Variants in MACROD2 observed in about 807,000 individuals in gnomAD.
The protein encoded by MACROD2 is ADP-ribose glycohydrolase MACROD2.
In MACROD2, 36 loss-of-function variants were observed where a neutral mutation model predicts 70.4. The observed-to-expected ratio is 0.51, with a 90% CI of 0.39 to 0.68. MACROD2 has a LOEUF of 0.68. MACROD2 is among the 30% of genes least tolerant of loss of function. The pLI is 0.00. For synonymous variants in MACROD2, 172 were observed against 178.8 expected (o/e 0.96, Z 0.30); for missense variants, 496 against 538.4 (o/e 0.92, Z 0.78).
At chr20:15,817,194 C>T (rs755902044) in intron 8 of MACROD2, among the ~76,000 whole-genome samples, 1 of 152,194 alleles carries the variant, frequency 6.6e-6, no homozygotes, top group Non-Finnish European at 1.5e-5. Flanking sequence ...ACTCAGTTTT[C>T]TCTTAAATCA....
chr20:15,831,946 A>G (rs1382042411), intron 8 of MACROD2, among the ~76,000 whole-genome samples: 5 of 152,186 alleles, frequency 3.3e-5, no homozygotes, highest in East Asian at 3.9e-4. Context: ...CTCACAGAAA[A>G]TGTTATCTAA....
chr20:15,579,139 T>A (rs951876839), intron 8 of MACROD2, among the ~76,000 whole-genome samples: 1 of 152,166 alleles, frequency 6.6e-6, no homozygotes, highest in East Asian at 1.9e-4. Flanking sequence ...TGGTTTTCTC[T>A]CGGGAGAAAA....
chr20:15,801,213 AAAAC>A lies in MACROD2; in HGVS notation c.646-61520_646-61517del, dbSNP rs533446179. ...AAAAAAAAAAAAAAAAACGAAAAAC[AAAAC>A]AAACAAACAAAAACTGGACAGTGGA... On this transcript the variant is annotated intron_variant, in intron 8 of 17. Coordinates refer to ENST00000684519, the MANE Select transcript of MACROD2 (RefSeq NM_001351661.2). 2.4e-3 allele frequency among the ~76,000 whole-genome samples: 360 copies of A among 151,280 alleles called. 2 individuals are homozygous for A. The highest frequency in any genetic ancestry group is 8.3e-3 in the African/African-American group (340 of 41,050).
At chr20:14,872,964 G>C (rs1008811494) in intron 5 of MACROD2, among the ~76,000 whole-genome samples, 4 of 152,042 alleles carry the variant, frequency 2.6e-5, no homozygotes, top group Non-Finnish European at 5.9e-5. Context: ...CAGATCTCCT[G>C]AGAACTCACT....
intron 1 of MACROD2, among the ~76,000 whole-genome samples, chr20:13,998,185 T>A (rs117092746): frequency 1.3e-5 from 2 of 152,232 alleles, no homozygotes; most frequent in Non-Finnish European, 2.9e-5. Context: ...GCATATATAT[T>A]TGTGGCCTCC....
chr20:15,793,809 T>G (rs1270807436), intron 8 of MACROD2, among the ~76,000 whole-genome samples: 1 of 147,720 alleles, frequency 6.8e-6, no homozygotes, highest in African/African-American at 2.5e-5. Flanking sequence ...TTATATTATA[T>G]ATAATATATA....
At chr20:14,847,048 A>G (rs1315599461) in intron 5 of MACROD2, among the ~76,000 whole-genome samples, 1 of 152,102 alleles carries the variant, frequency 6.6e-6, no homozygotes. Flanking sequence ...TTCACCATGA[A>G]TATCACTGAA....
chr20:15,937,521 C>T lies in MACROD2; in HGVS notation c.884C>T (p.Ala295Val), dbSNP rs765056877. ...GTGCCCGGCCCTGCTTCAGAAGAGGCAGTTGAAGACTGTAAAGATGAAGGT... is the reference window on the plus strand; with the variant it reads ...GTGCCCGGCCCTGCTTCAGAAGAGGTAGTTGAAGACTGTAAAGATGAAGGT... ...VTVPGPASEE[A>V]VEDCKDEDFA... is the part of the protein sequence containing the mutation. The change falls in exon 12 of 18, where the codon GCA becomes GTA. Residue 295 changes from alanine to valine, a missense_variant. Coordinates refer to ENST00000684519, the MANE Select transcript of MACROD2 (RefSeq NM_001351661.2). The T allele has an allele frequency of 6.2e-7, 1 of 1,613,226 alleles. No individual in the cohort carries two copies. The highest frequency in any genetic ancestry group is 8.5e-7 in the Non-Finnish European group (1 of 1,179,424).
chr20:15,685,394 CCTT>C (rs1438333632), intron 8 of MACROD2, among the ~76,000 whole-genome samples: 2 of 152,140 alleles, frequency 1.3e-5, no homozygotes, highest in African/African-American at 4.8e-5. Flanking sequence ...ATAGCTGTAA[CCTT>C]CTCTGCTAAA....
chr20:15,256,853 T>A (rs988971106), intron 6 of MACROD2, among the ~76,000 whole-genome samples: 2 of 152,040 alleles, frequency 1.3e-5, no homozygotes, highest in Non-Finnish European at 2.9e-5. Flanking sequence ...GGGCTGTTTT[T>A]CTTTTTCTTT....
intron 8 of MACROD2, among the ~76,000 whole-genome samples, chr20:15,697,546 G>A (rs561635204): frequency 6.6e-6 from 1 of 152,118 alleles, no homozygotes; most frequent in Non-Finnish European, 1.5e-5. Context: ...TGGATGAAAT[G>A]TTCTGTATAT....
Position 15,977,674 on chromosome 20 carries a change from T to C in MACROD2, c.986-9053T>C, listed in dbSNP as rs146084913. On this transcript the variant is annotated intron_variant, in intron 13 of 17. Transcript: ENST00000684519. ...TATGAATAAAACAAAATTTCTCTCT[T>C]AATCTGGTAAGAGAGACAAAGACAG... Among the ~76,000 whole-genome samples, 84 of 152,306 alleles carry C rather than the reference T, an allele frequency of 5.5e-4. No individual in the cohort carries two copies. The East Asian group carries it at 0.011, about 20-fold the overall frequency.
rs2077433687 is a variant in MACROD2, at chr20:15,280,427, AT to A, written c.540+50372del. The stretch of plus-strand genomic sequence containing the variant: ...AGTTAAGCATTTGGAATTATGCATG[AT>A]TTTTTATTTATTTCCCTTTTTCTGT... On this transcript the variant is annotated intron_variant, in intron 6 of 17. Coordinates refer to ENST00000684519, the MANE Select transcript of MACROD2 (RefSeq NM_001351661.2). 2.0e-5 allele frequency among the ~76,000 whole-genome samples: 3 copies of A among 152,262 alleles called. No homozygotes were observed. In the South Asian group the frequency reaches 6.2e-4, roughly 32 times the overall value.
intron 5 of MACROD2, among the ~76,000 whole-genome samples, chr20:14,756,585 C>T (rs2071943191): frequency 6.6e-6 from 1 of 152,052 alleles, no homozygotes; most frequent in Admixed American, 6.5e-5. Context: ...GCTTGTCAAG[C>T]CCCTTCATGG....
chr20:15,671,719 AC>A (rs1468001611), intron 8 of MACROD2, among the ~76,000 whole-genome samples: 2 of 152,184 alleles, frequency 1.3e-5, no homozygotes, highest in Non-Finnish European at 2.9e-5. Flanking sequence ...TGAACACAAC[AC>A]CTTGTGGATC....
chr20:14,918,335 G>C (rs1164290822), intron 5 of MACROD2, among the ~76,000 whole-genome samples: 1 of 152,158 alleles, frequency 6.6e-6, no homozygotes, highest in Non-Finnish European at 1.5e-5. Context: ...AGGGACCAGA[G>C]AAGAGGCAGA....
At position 16,023,852 on chromosome 20, in the gene MACROD2, G is replaced by A. The variant is rs974244826; in HGVS notation, c.1154-17349G>A. On this transcript the variant is annotated intron_variant, in intron 15 of 17. Coordinates refer to ENST00000684519, the MANE Select transcript of MACROD2 (RefSeq NM_001351661.2). The stretch of plus-strand genomic sequence containing the variant: ...ACTTTTAGTGAAGAGCAGTCAGTAA[G>A]CAAATGATTCCCAAATTCTATGCGC... Among the ~76,000 whole-genome samples, 3 of 152,162 alleles carry A rather than the reference G, an allele frequency of 2.0e-5. No individual in the cohort carries two copies. The East Asian group carries it at 5.8e-4, about 29-fold the overall frequency.
chr20:15,352,942 G>A (rs1411984453), intron 6 of MACROD2, among the ~76,000 whole-genome samples: 1 of 151,646 alleles, frequency 6.6e-6, no homozygotes, highest in Non-Finnish European at 1.5e-5. Flanking sequence ...GTAATTTATA[G>A]ATTCAATGCC....
chr20:15,120,261 AGTGT>A (rs34652299), intron 5 of MACROD2, among the ~76,000 whole-genome samples: 7 of 116,218 alleles, frequency 6.0e-5, no homozygotes, highest in Middle Eastern at 4.4e-3. Flanking sequence ...TTTAAGGGGG[AGTGT>A]GTGTGTGTGT....
Sources: allele counts gnomAD v4.1 joint callset (sites outside exome capture counted in the v4.1 genomes callset), GRCh38; gene constraint gnomAD v4.1.1; transcripts MANE v1.5; gene names NCBI Gene and HGNC (gene_info 2026-07-23, HGNC 2026-07-21).